The following GLI3 variants were observed in gnomAD, a reference collection of about 807,000 sequenced individuals.
The protein encoded by GLI3 is GLI family zinc finger 3, also known as transcription activator GLI3.
In GLI3, 20 loss-of-function variants were observed where a neutral mutation model predicts 100.8. The observed-to-expected ratio is 0.20, with a 90% CI of 0.14 to 0.29. The LOEUF (loss-of-function observed/expected upper bound fraction) is 0.29, where lower values mean the gene tolerates loss of function less well. GLI3 is among the 10% of genes least tolerant of loss of function. GLI3 has a pLI of 1.00. For missense variants in GLI3, 2,040 were observed against 2,128.5 expected (o/e 0.96, Z 0.82); for synonymous variants, 938 against 860.5 (o/e 1.09, Z -1.58).
chr7:42,087,299 T>C lies in GLI3; in HGVS notation c.368-10442A>G, dbSNP rs534554747. ...TTGGAATCCTCCCTGTGCAGTTTTC[T>C]GCATGCTTCCCATGTTCAGAGTGAG... On this transcript the variant is annotated intron_variant, in intron 3 of 14. Coordinates refer to ENST00000395925, the MANE Select transcript of GLI3 (RefSeq NM_000168.6). Among the ~76,000 whole-genome samples the C allele has an allele frequency of 3.9e-5, 6 of 152,304 alleles. No homozygotes were observed. In the South Asian group the frequency reaches 8.3e-4, roughly 21 times the overall value.
At chr7:42,044,477 A>C (rs1784204677) in intron 6 of GLI3, among the ~76,000 whole-genome samples, 1 of 152,192 alleles carries the variant, frequency 6.6e-6, no homozygotes, top group Non-Finnish European at 1.5e-5. Context: ...ACCCACAAAA[A>C]TCATTACACA....
At chr7:42,157,078 T>C (rs1418752998) in intron 2 of GLI3, among the ~76,000 whole-genome samples, 2 of 152,216 alleles carry the variant, frequency 1.3e-5, no homozygotes, top group Non-Finnish European at 2.9e-5. Flanking sequence ...AATACCATTA[T>C]TGTACCAAAA....
intron 2 of GLI3, among the ~76,000 whole-genome samples, chr7:42,150,614 C>T (rs1449252508): frequency 6.6e-6 from 1 of 152,158 alleles, no homozygotes; most frequent in East Asian, 1.9e-4. Context: ...GAAAACCCTT[C>T]CTCAGGGGGG....
chr7:41,990,814 C>T (rs1001904549), intron 10 of GLI3, among the ~76,000 whole-genome samples: 10 of 151,814 alleles, frequency 6.6e-5, no homozygotes, highest in Admixed American at 1.3e-4. Flanking sequence ...GGGTCTTACA[C>T]GGTAAGTGCT....
At chr7:42,079,019 G>A (rs1198142336) in intron 3 of GLI3, among the ~76,000 whole-genome samples, 2 of 152,098 alleles carry the variant, frequency 1.3e-5, no homozygotes, top group East Asian at 1.9e-4. Flanking sequence ...GTCAGCCACC[G>A]CGCCCGGCCT....
intron 2 of GLI3, among the ~76,000 whole-genome samples, chr7:42,182,664 A>ATATATATATATATACATGTGTGTGTG (rs1787629411): frequency 2.6e-5 from 2 of 78,328 alleles, no homozygotes; most frequent in Non-Finnish European, 5.0e-5. Context: ...ATATATATAT[A>ATATATATATATATACATGTGTGTGTG]TATATATATA....
At chr7:42,011,575 A>C (rs531755349) in intron 10 of GLI3, among the ~76,000 whole-genome samples, 1 of 152,366 alleles carries the variant, frequency 6.6e-6, no homozygotes, top group South Asian at 2.1e-4. Context: ...TTATTCAGCC[A>C]TAAAAAAGAA....
At chr7:42,113,145 C>G (rs963780890) in intron 3 of GLI3, among the ~76,000 whole-genome samples, 1 of 152,140 alleles carries the variant, frequency 6.6e-6, no homozygotes, top group African/African-American at 2.4e-5. Context: ...CCACTGCACT[C>G]CAGCCTGGGC....
rs1789009035 is a variant in GLI3, at chr7:42,023,593, T to C, written c.1372A>G (p.Thr458Ala). 2 of 1,613,426 alleles carry C rather than the reference T, an allele frequency of 1.2e-6. No homozygotes were observed. Among genetic ancestry groups the C allele is most frequent in the South Asian group, 2.2e-5 (2 of 91,044 alleles). ...TCCCCTTCCTCCTTGACAAGGGTTG[T>C]TCCTTCGGGCTGTTCCTGAAAGAAG... ...ARGQQEQPEG[T>A]TLVKEEGDKD... The change falls in exon 10 of 15, where the codon ACA becomes GCA. Residue 458 changes from threonine (T) to alanine (A), a missense_variant. Coordinates refer to ENST00000395925, the MANE Select transcript of GLI3 (RefSeq NM_000168.6).
intron 3 of GLI3, among the ~76,000 whole-genome samples, chr7:42,140,815 AAGG>A (rs1475001063): frequency 2.6e-5 from 4 of 152,200 alleles, no homozygotes; most frequent in Non-Finnish European, 5.9e-5. Context: ...ATACAAGAAA[AAGG>A]AGGAGGGCCG....
intron 3 of GLI3, among the ~76,000 whole-genome samples, chr7:42,112,809 G>A (rs1042572648): frequency 6.6e-6 from 1 of 152,102 alleles, no homozygotes; most frequent in African/African-American, 2.4e-5. Flanking sequence ...TGGGCACCAG[G>A]AGACTGTGCC....
At chr7:42,126,121 A>G (rs926870968) in intron 3 of GLI3, among the ~76,000 whole-genome samples, 1 of 152,222 alleles carries the variant, frequency 6.6e-6, no homozygotes, top group East Asian at 1.9e-4. Context: ...CCTGAATGGT[A>G]AAACAGTTCC....
intron 2 of GLI3, among the ~76,000 whole-genome samples, chr7:42,215,609 G>A (rs1281003040): frequency 6.6e-6 from 1 of 152,178 alleles, no homozygotes; most frequent in Non-Finnish European, 1.5e-5. Flanking sequence ...AGGCAACCCA[G>A]AAACATCCCA....
chr7:42,156,169 C>T (rs977119416), intron 2 of GLI3, among the ~76,000 whole-genome samples: 16 of 152,198 alleles, frequency 1.1e-4, no homozygotes, highest in African/African-American at 2.9e-4. Context: ...ATAAACAAAA[C>T]AGTACCCTTG....
intron 10 of GLI3, among the ~76,000 whole-genome samples, chr7:41,999,551 C>CA (rs1788226795): frequency 6.6e-6 from 1 of 152,104 alleles, no homozygotes; most frequent in Non-Finnish European, 1.5e-5. Context: ...TTACACCTTT[C>CA]AGACACCACA....
At chr7:42,239,529 A>G (rs1402913239), upstream of GLI3, among the ~76,000 whole-genome samples, 1 of 152,254 alleles carries the variant, frequency 6.6e-6, no homozygotes, top group Non-Finnish European at 1.5e-5. Flanking sequence ...GAATACAAAT[A>G]GTACATCCTG....
At chr7:42,141,186 A>C (rs1205412121) in intron 3 of GLI3, among the ~76,000 whole-genome samples, 3 of 152,188 alleles carry the variant, frequency 2.0e-5, no homozygotes, top group Non-Finnish European at 4.4e-5. Flanking sequence ...AAGACAAGAT[A>C]CATCACTGAA....
At chr7:42,108,877 ACGACGTC>A (rs1785637762) in intron 3 of GLI3, among the ~76,000 whole-genome samples, 1 of 152,076 alleles carries the variant, frequency 6.6e-6, no homozygotes, top group Non-Finnish European at 1.5e-5. Flanking sequence ...AATCCTTTGC[ACGACGTC>A]CCCATCCCAC....
At chr7:42,211,036 A>G (rs3801228) in intron 2 of GLI3, among the ~76,000 whole-genome samples, 42,764 of 152,238 alleles carry the variant, frequency 0.28, 7,136 homozygotes, top group Middle Eastern at 0.46. Flanking sequence ...TGAGAGATTT[A>G]TAAGTATCTT....
Sources: allele counts gnomAD v4.1 joint callset (sites outside exome capture counted in the v4.1 genomes callset), GRCh38; gene constraint gnomAD v4.1.1; transcripts MANE v1.5; gene names NCBI Gene and HGNC (gene_info 2026-07-23, HGNC 2026-07-21).